Variants in CNBD1 observed in about 807,000 individuals in gnomAD.
The protein encoded by CNBD1 is cyclic nucleotide-binding domain-containing protein 1.
Under a neutral mutation model 54.4 loss-of-function variants are expected in CNBD1, and 71 were observed. That is an observed-to-expected ratio of 1.30 (90% CI 1.08 to 1.59). The LOEUF (loss-of-function observed/expected upper bound fraction) is 1.59, where lower values mean the gene tolerates loss of function less well. Ranked by LOEUF, CNBD1 falls within the 40% of genes most tolerant of loss-of-function variation. The probability of loss-of-function intolerance (pLI) is 0.00; values close to 1 mark genes in which losing one functional copy is unlikely to be tolerated. For missense variants in CNBD1, 659 were observed against 518.0 expected (o/e 1.27, Z -2.64); for synonymous variants, 182 against 170.7 (o/e 1.07, Z -0.51).
At chr8:87,348,427 T>C (rs1387072538) in intron 8 of CNBD1, among the ~76,000 whole-genome samples, 1 of 152,154 alleles carries the variant, frequency 6.6e-6, no homozygotes, top group Non-Finnish European at 1.5e-5. Flanking sequence ...GCAAACTATA[T>C]ATATTTGGAA....
At chr8:87,402,212 A>G (rs777568220) in intron 2 of CNBD1, among the ~76,000 whole-genome samples, 6 of 151,752 alleles carry the variant, frequency 4.0e-5, no homozygotes, top group Non-Finnish European at 7.4e-5. Context: ...CACAGGAAAA[A>G]CCCGCCTCCA....
At chr8:86,953,941 G>A (rs1408775183) in intron 4 of CNBD1, among the ~76,000 whole-genome samples, 2 of 152,128 alleles carry the variant, frequency 1.3e-5, no homozygotes, top group Non-Finnish European at 2.9e-5. Flanking sequence ...CACTCCAGGG[G>A]CTCTCTTTAG....
chr8:87,275,167 G>A (rs190598563), intron 6 of CNBD1, among the ~76,000 whole-genome samples: 1 of 141,538 alleles, frequency 7.1e-6, no homozygotes, highest in African/African-American at 2.8e-5. Context: ...TGCTGTTTTG[G>A]TTACCGTAGC....
chr8:87,312,049 G>A lies in CNBD1; in HGVS notation c.1042+25378G>A, dbSNP rs146324342. Among the ~76,000 whole-genome samples the A allele has an allele frequency of 4.3e-3, 660 of 151,998 alleles. 8 individuals are homozygous for A. Among genetic ancestry groups the A allele is most frequent in the South Asian group, 0.011 (53 of 4,816 alleles). Reference sequence around the variant, plus strand: ...ATTGTACCCCAAACCACAGCATCACGCGATATACCTATGTAACAAACCTGC... The same window carrying A: ...ATTGTACCCCAAACCACAGCATCACACGATATACCTATGTAACAAACCTGC... On this transcript the variant is annotated intron_variant, in intron 8 of 10. Transcript: ENST00000518476.
intron 10 of CNBD1, among the ~76,000 whole-genome samples, chr8:87,358,351 C>G (rs1047239690): frequency 5.3e-5 from 8 of 152,114 alleles, no homozygotes; most frequent in Non-Finnish European, 8.8e-5. Flanking sequence ...CTGTGACATT[C>G]AAATACAACC....
intron 8 of CNBD1, among the ~76,000 whole-genome samples, chr8:87,314,024 C>G (rs1057027204): frequency 6.6e-6 from 1 of 151,876 alleles, no homozygotes; most frequent in Non-Finnish European, 1.5e-5. Context: ...AGTACCAAAG[C>G]ACATGTAATA....
At chr8:87,334,510 C>G (rs1046212118) in intron 8 of CNBD1, among the ~76,000 whole-genome samples, 1 of 151,884 alleles carries the variant, frequency 6.6e-6, no homozygotes, top group Admixed American at 6.6e-5. Context: ...CCGATGTGGG[C>G]ATTTAGTGCT....
At chr8:87,402,502 A>G (rs1189339384) in intron 2 of CNBD1, among the ~76,000 whole-genome samples, 3 of 152,050 alleles carry the variant, frequency 2.0e-5, no homozygotes, top group Non-Finnish European at 4.4e-5. Flanking sequence ...GTTTTTGAAT[A>G]GGTTTTCTTT....
At chr8:87,062,521 T>A (rs1280215056) in intron 4 of CNBD1, among the ~76,000 whole-genome samples, 1 of 152,298 alleles carries the variant, frequency 6.6e-6, no homozygotes, top group Admixed American at 6.5e-5. Context: ...GTGAATCACC[T>A]GAGGTCAGGA....
At chr8:87,088,065 A>C (rs918166156) in intron 4 of CNBD1, among the ~76,000 whole-genome samples, 5 of 152,206 alleles carry the variant, frequency 3.3e-5, no homozygotes, top group African/African-American at 1.2e-4. Flanking sequence ...TAATACATTG[A>C]TGGCAAAAGT....
chr8:87,213,846 G>A (rs1289069413), intron 5 of CNBD1, among the ~76,000 whole-genome samples: 2 of 152,164 alleles, frequency 1.3e-5, no homozygotes, highest in Non-Finnish European at 2.9e-5. Context: ...CCGTCCACCT[G>A]TGAGCCTGTA....
At chr8:86,907,191 G>C (rs1809030601) in intron 3 of CNBD1, among the ~76,000 whole-genome samples, 1 of 152,120 alleles carries the variant, frequency 6.6e-6, no homozygotes, top group East Asian at 1.9e-4. Context: ...TGAGAATGGA[G>C]GTGTTCTGAA....
In CNBD1 at chr8:86,935,193, G is replaced by A. The variant is rs993233328; in HGVS notation, c.273-4403G>A. 5.9e-5 allele frequency among the ~76,000 whole-genome samples: 9 copies of A among 152,072 alleles called. No individual in the cohort carries two copies. The South Asian group carries it at 8.3e-4, about 14-fold the overall frequency. ...TGGGACTACAGGCACCCACCACCATGCCTGGCTAATTTTTTTGTATTTTTA... is the reference window on the plus strand; with the variant it reads ...TGGGACTACAGGCACCCACCACCATACCTGGCTAATTTTTTTGTATTTTTA... On this transcript the variant is annotated intron_variant, in intron 3 of 10. Coordinates refer to ENST00000518476, the MANE Select transcript of CNBD1 (RefSeq NM_173538.3).
intron 4 of CNBD1, among the ~76,000 whole-genome samples, chr8:87,162,200 G>T (rs777674126): frequency 2.0e-5 from 3 of 151,982 alleles, no homozygotes; most frequent in Non-Finnish European, 4.4e-5. Flanking sequence ...GAGCATAGAA[G>T]AATTTTTCTA....
At chr8:87,423,186 G>C (rs548868732) in intron 2 of CNBD1, among the ~76,000 whole-genome samples, 5 of 152,060 alleles carry the variant, frequency 3.3e-5, no homozygotes, top group Admixed American at 2.0e-4. Flanking sequence ...CTGAGACGAT[G>C]GGGTTTTCTA....
At chr8:87,341,781 G>A (rs1235056885) in intron 8 of CNBD1, among the ~76,000 whole-genome samples, 1 of 152,190 alleles carries the variant, frequency 6.6e-6, no homozygotes, top group Non-Finnish European at 1.5e-5. Flanking sequence ...AACCTTACCA[G>A]ACACCAAACT....
intron 2 of CNBD1, among the ~76,000 whole-genome samples, chr8:86,904,299 G>T (rs369753073): frequency 6.6e-6 from 1 of 152,010 alleles, no homozygotes; most frequent in African/African-American, 2.4e-5. Flanking sequence ...CTCTCAAGAT[G>T]AATGTTTAGC....
chr8:87,036,126 C>A (rs1161175976), intron 4 of CNBD1, among the ~76,000 whole-genome samples: 3 of 152,102 alleles, frequency 2.0e-5, no homozygotes, highest in East Asian at 1.9e-4. Context: ...ATTTTTATTT[C>A]TTGATTTTGC....
intron 8 of CNBD1, among the ~76,000 whole-genome samples, chr8:87,349,830 G>T (rs1810248551): frequency 1.3e-5 from 2 of 152,208 alleles, no homozygotes; most frequent in Admixed American, 1.3e-4. Flanking sequence ...TAGGGAATGA[G>T]ACTGCGTCAT....
Sources: allele counts gnomAD v4.1 joint callset (sites outside exome capture counted in the v4.1 genomes callset), GRCh38; gene constraint gnomAD v4.1.1; transcripts MANE v1.5; gene names NCBI Gene and HGNC (gene_info 2026-07-23, HGNC 2026-07-21).